Variants in ARHGEF16 observed in about 807,000 individuals in gnomAD.
ARHGEF16 encodes Rho guanine nucleotide exchange factor 16, also known as Rho guanine exchange factor (GEF) 16.
A neutral mutation model predicts 74.1 loss-of-function variants in ARHGEF16; 59 were observed. That is an observed-to-expected ratio of 0.80 (90% confidence interval 0.65 to 0.99). The LOEUF is 0.99. ARHGEF16 is among the 50% of genes least tolerant of loss of function. The pLI, the probability that ARHGEF16 is intolerant of heterozygous loss-of-function variation, is 0.00. For synonymous variants in ARHGEF16, 415 were observed against 412.6 expected, an observed-to-expected ratio of 1.01 and a Z score of -0.07; for missense variants, 948 against 986.6, an observed-to-expected ratio of 0.96 and a Z score of 0.52.
chr1:3,472,442 C>CA (rs1557694590), intron 6 of ARHGEF16, among the ~76,000 whole-genome samples: 1 of 113,778 alleles, frequency 8.8e-6, no homozygotes, highest in Non-Finnish European at 1.7e-5. Flanking sequence ...CACAGCTGGC[C>CA]CCCCCCCGGC....
chr1:3,465,295 G>A (rs1174131751), intron 2 of ARHGEF16, among the ~76,000 whole-genome samples: 2 of 152,238 alleles, frequency 1.3e-5, no homozygotes, highest in Non-Finnish European at 2.9e-5. Context: ...AGGGCAGCTC[G>A]GGGGTGCTGG....
intron 6 of ARHGEF16, among the ~76,000 whole-genome samples, chr1:3,472,095 G>A (rs1482607206): frequency 6.6e-6 from 1 of 152,216 alleles, no homozygotes; most frequent in Non-Finnish European, 1.5e-5. Flanking sequence ...CCACCTCCAC[G>A]CTGGGTAAGG....
intron 14 of ARHGEF16, 37 bp downstream of exon 14, chr1:3,479,950 C>T (rs1292597622): frequency 1.1e-5 from 17 of 1,598,280 alleles, no homozygotes; most frequent in South Asian, 2.2e-5. Flanking sequence ...TGGGTGGGAA[C>T]GGACAGGCGG....
Position 3,475,958 on chromosome 1 carries a change from C to G in ARHGEF16, c.1381-12C>G. ...TAGCACCAGCCTCTCACACGGGAAC[C>G]ATGCCCTGCAGCTGGTGAGGCAGTG... On this transcript the variant is annotated splice_polypyrimidine_tract_variant and intron_variant, in intron 9 of 14. Coordinates refer to ENST00000378378, the MANE Select transcript of ARHGEF16 (RefSeq NM_014448.4). The G allele has an allele frequency of 6.5e-7, 1 of 1,549,074 alleles. No homozygotes were observed. The highest frequency in any genetic ancestry group is 8.7e-7 in the Non-Finnish European group (1 of 1,146,234).
At chr1:3,476,927 G>A (rs191559476) in intron 10 of ARHGEF16, among the ~76,000 whole-genome samples, 6 of 152,230 alleles carry the variant, frequency 3.9e-5, no homozygotes, top group African/African-American at 1.4e-4. Context: ...CAGCCCTCAC[G>A]CTTGTCTCCC....
Position 3,467,335 on chromosome 1 carries a change from G to C in ARHGEF16, c.802G>C (p.Glu268Gln). The C allele has an allele frequency of 6.5e-7, 1 of 1,547,846 alleles. No homozygotes were observed. The highest frequency in any genetic ancestry group is 8.7e-7 in the Non-Finnish European group (1 of 1,145,374). The change falls in exon 4 of 15, where the codon GAG (glutamate) becomes CAG (glutamine). Residue 268 changes from glutamate to glutamine, a missense_variant and splice_region_variant. Glu to Gln is a conservative substitution (Grantham distance 29). Coordinates refer to ENST00000378378, the MANE Select transcript of ARHGEF16 (RefSeq NM_014448.4). ...CCAGGTCACCTGGAGCCAGCTCCCA[G>C]AGGTAGCGCCGGAGGGTGGGTGAGG... Reference protein sequence around the residue: ...PAQVTWSQLPEVVELGILDQL... With the variant: ...PAQVTWSQLPQVVELGILDQL...
rs544835035 is a variant in ARHGEF16 at position 3,477,801 on chromosome 1, G to C, written c.1474-74G>C. 78 of 1,455,496 alleles carry C rather than the reference G, an allele frequency of 5.4e-5. 1 individual carries two copies. The Admixed American group carries it at 1.3e-3, about 23-fold the overall frequency. 90.2% of individuals were successfully genotyped at this position (1,455,496 alleles called of 1,614,324 possible). ...GGTGCTATGCGTCCTTGACCCCCTG[G>C]GGACCTGCTCACCCCGGCTCTGTCC... On this transcript the variant is annotated intron_variant, in intron 10 of 14. Transcript: ENST00000378378.
In ARHGEF16 at chr1:3,471,714, CG is replaced by C. The variant is rs1405173785; in HGVS notation, c.1023-1362del. The C allele has an allele frequency of 1.8e-5, 22 of 1,226,236 alleles. No individual in the cohort carries two copies. The Admixed American group carries it at 6.9e-4, about 38-fold the overall frequency. 76.0% of individuals were successfully genotyped at this position (1,226,236 alleles called of 1,614,324 possible). On this transcript the variant is annotated intron_variant, in intron 6 of 14. Coordinates refer to ENST00000378378, the MANE Select transcript of ARHGEF16 (RefSeq NM_014448.4). ...ATTGCTGCCCTGGGGCGGGAAGCTCCGGCCTCCTCCCCCAGCTGGGCCCCCG... is the reference window on the plus strand; with the variant it reads ...ATTGCTGCCCTGGGGCGGGAAGCTCCGCCTCCTCCCCCAGCTGGGCCCCCG...
At chr1:3,454,962 A>T (rs1639232264) in intron 1 of ARHGEF16, among the ~76,000 whole-genome samples, 151 bp downstream of exon 1, 1 of 151,884 alleles carries the variant, frequency 6.6e-6, no homozygotes, top group Non-Finnish European at 1.5e-5. Context: ...CAGCCGCAAC[A>T]ACTTCGCGAC....
chr1:3,474,431 G>A (rs1013191983), intron 8 of ARHGEF16: 20 of 432,080 alleles, frequency 4.6e-5, no homozygotes, highest in Middle Eastern at 6.6e-4. Flanking sequence ...CTCCACTGAC[G>A]ATTCCCCAAG....
rs1464683532 is a variant in ARHGEF16, at chr1:3,463,067, A to G, written c.-18A>G. 3 of 1,444,716 alleles carry G rather than the reference A, an allele frequency of 2.1e-6. No individual in the cohort carries two copies. Among genetic ancestry groups the G allele is most frequent in the Non-Finnish European group, 2.7e-6 (3 of 1,094,968 alleles). The allele number at this position is 1,444,716 out of a possible 1,614,324, so 89.5% of individuals were successfully genotyped here. On this transcript the variant is annotated splice_region_variant and 5_prime_UTR_variant, in exon 2 of 15. Transcript: ENST00000378378. ...ACCTCACTTCTGCCCTTCCCCCAGG[A>G]CCCCACAGCCGCCCAGCATGGCCCA...
In ARHGEF16 at chr1:3,474,387, C is replaced by T. The variant is rs1339592346; in HGVS notation, c.1306-321C>T. 1.1e-5 allele frequency: 4 copies of T among 359,454 alleles called. No homozygotes were observed. In the East Asian group the frequency reaches 2.2e-4, roughly 19 times the overall value. The allele number at this position is 359,454 out of a possible 1,614,324, so 22.3% of individuals were successfully genotyped here. A position where few individuals can be genotyped will look rare whatever the true frequency, so the allele number is the denominator to read the frequency against. ...ACAGAACCTCAAACTCCTGGGGGCC[C>T]CAGGGATGTGCAGAAATGGGGCTGC... On this transcript the variant is annotated intron_variant, in intron 8 of 14. Coordinates refer to ENST00000378378, the MANE Select transcript of ARHGEF16 (RefSeq NM_014448.4).
intron 1 of ARHGEF16, among the ~76,000 whole-genome samples, chr1:3,458,768 C>T (rs1413540206): frequency 1.3e-5 from 2 of 152,136 alleles, no homozygotes; most frequent in African/African-American, 4.8e-5. Flanking sequence ...CAGCAGCCAG[C>T]GACAGAAAGA....
chr1:3,461,860 G>A (rs924307986), intron 1 of ARHGEF16, among the ~76,000 whole-genome samples: 3 of 152,202 alleles, frequency 2.0e-5, no homozygotes, highest in South Asian at 2.1e-4. Context: ...GAGGCAGGTC[G>A]AGAGCTGGCT....
chr1:3,478,236 C>A, intron 11 of ARHGEF16, 188 bp from the exon 12 acceptor site: 1 of 898,372 alleles, frequency 1.1e-6, no homozygotes, highest in Non-Finnish European at 1.7e-6. Flanking sequence ...CCTGGGTCTG[C>A]CGGTGATAGC....
At chr1:3,468,333 C>T (rs1033571721) in intron 4 of ARHGEF16, among the ~76,000 whole-genome samples, 1 of 152,220 alleles carries the variant, frequency 6.6e-6, no homozygotes, top group African/African-American at 2.4e-5. Flanking sequence ...AGAGGGGACC[C>T]CTGGGCGGTG....
At chr1:3,473,273 T>A in intron 7 of ARHGEF16, 43 bp downstream of exon 7, 2 of 1,601,800 alleles carry the variant, frequency 1.2e-6, no homozygotes, top group Non-Finnish European at 1.7e-6. Flanking sequence ...CTCAGGAGCA[T>A]CCTGCACCCT....
intron 8 of ARHGEF16, chr1:3,473,729 C>G: frequency 1.2e-6 from 1 of 822,294 alleles, no homozygotes; most frequent in Non-Finnish European, 1.9e-6. Flanking sequence ...GTGCCGGGAA[C>G]TGTTCCAGCC....
At chr1:3,471,714 C>CGG in intron 6 of ARHGEF16, 1 of 1,226,354 alleles carries the variant, frequency 8.2e-7, no homozygotes. Context: ...CGGGAAGCTC[C>CGG]GGCCTCCTCC....
Sources: gnomAD v4.1 joint callset for allele counts (sites outside exome capture counted in the v4.1 genomes callset) on GRCh38, gnomAD v4.1.1 for gene constraint, MANE v1.5 for transcripts, NCBI Gene and HGNC (gene_info 2026-07-23, HGNC 2026-07-21) for gene names.